Variants in NAALADL2 observed in about 807,000 individuals in gnomAD.
The protein encoded by NAALADL2 is inactive N-acetylated-alpha-linked acidic dipeptidase-like protein 2.
A neutral mutation model predicts 87.2 loss-of-function variants in NAALADL2; 76 were observed. The observed-to-expected ratio is 0.87, with a 90% CI of 0.72 to 1.05. The LOEUF (loss-of-function observed/expected upper bound fraction) is 1.05. Among genes scored for constraint, NAALADL2 ranks in the 50% least tolerant of loss-of-function variants. The pLI, the probability that NAALADL2 is intolerant of heterozygous loss-of-function variation, is 0.00. For synonymous variants in NAALADL2, 354 were observed against 331.0 expected (o/e 1.07, Z -0.75); for missense variants, 1,089 against 945.8 (o/e 1.15, Z -1.99).
intron 11 of NAALADL2, among the ~76,000 whole-genome samples, chr3:175,644,472 AT>A (rs1729723639): frequency 6.6e-6 from 1 of 152,008 alleles, no homozygotes; most frequent in Non-Finnish European, 1.5e-5. Flanking sequence ...CACAATTTGC[AT>A]TTTTCAATCT....
intron 1 of NAALADL2, among the ~76,000 whole-genome samples, chr3:175,094,240 A>G (rs1305206037): frequency 6.6e-6 from 1 of 152,046 alleles, no homozygotes; most frequent in Admixed American, 6.6e-5. Context: ...TAAGCTGAAC[A>G]GTTAAAGAAG....
At chr3:174,923,556 A>G (rs1434149488) in intron 1 of NAALADL2, among the ~76,000 whole-genome samples, 1 of 152,186 alleles carries the variant, frequency 6.6e-6, no homozygotes, top group Non-Finnish European at 1.5e-5. Context: ...TTTGAGGAGA[A>G]GCAGGATTTG....
intron 11 of NAALADL2, among the ~76,000 whole-genome samples, chr3:175,721,604 C>A (rs1444603207): frequency 6.6e-6 from 1 of 151,956 alleles, no homozygotes; most frequent in Admixed American, 6.6e-5. Flanking sequence ...GAAGATACAG[C>A]AATTCTGGAT....
At chr3:175,253,109 A>G (rs1198474191) in intron 3 of NAALADL2, among the ~76,000 whole-genome samples, 2 of 152,204 alleles carry the variant, frequency 1.3e-5, no homozygotes, top group African/African-American at 4.8e-5. Context: ...GTGTAGACAA[A>G]ACAGCCTTAG....
At chr3:174,708,294 A>G (rs903946255) in intron 2 of NAALADL2, among the ~76,000 whole-genome samples, 2 of 152,180 alleles carry the variant, frequency 1.3e-5, no homozygotes, top group African/African-American at 2.4e-5. Flanking sequence ...TTCCATTGGG[A>G]AACTCCCCTC....
chr3:175,081,905 AATG>A (rs1177526901), intron 1 of NAALADL2, among the ~76,000 whole-genome samples: 1 of 152,210 alleles, frequency 6.6e-6, no homozygotes, highest in Non-Finnish European at 1.5e-5. Flanking sequence ...TCTTAAAGGC[AATG>A]ATGATTGGGA....
At chr3:175,063,825 G>T (rs982474685) in intron 1 of NAALADL2, among the ~76,000 whole-genome samples, 1 of 152,034 alleles carries the variant, frequency 6.6e-6, no homozygotes, top group Non-Finnish European at 1.5e-5. Context: ...CTTTTTAGCA[G>T]TTTAAAATAA....
chr3:175,723,106 T>C (rs1742462944), intron 11 of NAALADL2, among the ~76,000 whole-genome samples: 1 of 152,120 alleles, frequency 6.6e-6, no homozygotes, highest in Non-Finnish European at 1.5e-5. Flanking sequence ...CTGTCCTAGA[T>C]GTAGAAGAGA....
At chr3:175,571,366 A>G (rs1348675532) in intron 9 of NAALADL2, among the ~76,000 whole-genome samples, 1 of 152,196 alleles carries the variant, frequency 6.6e-6, no homozygotes, top group Non-Finnish European at 1.5e-5. Context: ...AACATTAAAT[A>G]TGAGGCATTT....
chr3:174,507,708 C>G (rs976202384), intron 1 of NAALADL2, among the ~76,000 whole-genome samples: 1 of 151,078 alleles, frequency 6.6e-6, no homozygotes, highest in Non-Finnish European at 1.5e-5. Flanking sequence ...TTGTGAGATT[C>G]ATCTATGTTG....
intron 1 of NAALADL2, among the ~76,000 whole-genome samples, chr3:174,509,662 G>A (rs373584913): frequency 1.5e-5 from 2 of 133,526 alleles, no homozygotes; most frequent in Non-Finnish European, 3.1e-5. Context: ...TCCTGACCTC[G>A]TAATCCGCCC....
intron 1 of NAALADL2, among the ~76,000 whole-genome samples, chr3:175,004,316 C>A (rs574057214): frequency 1.3e-3 from 182 of 143,016 alleles, no homozygotes; most frequent in Middle Eastern, 0.011. Flanking sequence ...GAGGTCGAGG[C>A]CACAGTGAGC....
chr3:174,943,874 G>C (rs1275679356), intron 1 of NAALADL2, among the ~76,000 whole-genome samples: 1 of 152,148 alleles, frequency 6.6e-6, no homozygotes, highest in African/African-American at 2.4e-5. Flanking sequence ...CCACTGCAGA[G>C]GCAGTGGCAG....
intron 2 of NAALADL2, among the ~76,000 whole-genome samples, chr3:175,232,237 G>GAAGAGGAAGAAGA (rs1553824045): frequency 2.0e-5 from 3 of 149,340 alleles, no homozygotes; most frequent in Admixed American, 6.7e-5. Flanking sequence ...AGAGGAAGAG[G>GAAGAGGAAGAAGA]AAGAAGAAAG....
At chr3:175,151,595 C>A (rs1731550566) in intron 2 of NAALADL2, among the ~76,000 whole-genome samples, 1 of 152,092 alleles carries the variant, frequency 6.6e-6, no homozygotes, top group South Asian at 2.1e-4. Context: ...AGTCTCCAAA[C>A]TCTTCAGCTG....
At position 175,384,184 on chromosome 3, in the gene NAALADL2, G is replaced by T. The variant is rs182216655; in HGVS notation, c.1090+59859G>T. The stretch of plus-strand genomic sequence containing the variant: ...CCTCTAGTGAAGAAATTTTCTATTT[G>T]GGTTTACGAGCTGCATAATTCTTTT... On this transcript the variant is annotated intron_variant, in intron 5 of 13. Transcript: ENST00000454872. 3.8e-3 allele frequency among the ~76,000 whole-genome samples: 576 copies of T among 151,926 alleles called. 2 individuals are homozygous for T. Among genetic ancestry groups the T allele is most frequent in the Middle Eastern group, 0.01 (3 of 294 alleles).
At chr3:174,869,668 C>T (rs1221534876) in intron 1 of NAALADL2, among the ~76,000 whole-genome samples, 7 of 151,970 alleles carry the variant, frequency 4.6e-5, no homozygotes, top group Admixed American at 6.6e-5. Context: ...ATAAAAAGAT[C>T]GGCTAGCCGC....
In NAALADL2 at chr3:175,609,025, G is replaced by T. The variant is rs71312335; in HGVS notation, c.1801-18266G>T. ...TTTTTTTTTTTTAGTAGTAGTAATT[G>T]TTTGTACTAAGCGCTCTTTCTGTGT... On this transcript the variant is annotated intron_variant, in intron 10 of 13. Transcript: ENST00000454872. 5.2e-3 allele frequency among the ~76,000 whole-genome samples: 772 copies of T among 149,800 alleles called. 6 individuals carry two copies. Among genetic ancestry groups the T allele is most frequent in the Middle Eastern group, 0.014 (4 of 284 alleles).
intron 2 of NAALADL2, among the ~76,000 whole-genome samples, chr3:174,656,834 T>A (rs1724986836): frequency 1.3e-5 from 2 of 152,100 alleles, no homozygotes; most frequent in African/African-American, 4.8e-5. Context: ...CTAGCTTCCA[T>A]AATTATCAAC....
Sources: gnomAD v4.1 joint callset for allele counts (sites outside exome capture counted in the v4.1 genomes callset) on GRCh38, gnomAD v4.1.1 for gene constraint, MANE v1.5 for transcripts, NCBI Gene and HGNC (gene_info 2026-07-23, HGNC 2026-07-21) for gene names.